The following SPATA1 variants were observed in gnomAD, a reference collection of about 807,000 sequenced individuals.
SPATA1 encodes spermatogenesis associated 1.
A neutral mutation model predicts 59.6 loss-of-function variants in SPATA1; 57 were observed. The ratio of observed to expected loss-of-function variants is 0.96; its 90% CI spans 0.77 to 1.19. The LOEUF is 1.19. SPATA1 is among the 50% of genes most tolerant of loss of function. The probability of loss-of-function intolerance (pLI) is 0.00; values close to 1 mark genes in which losing one functional copy is unlikely to be tolerated. For missense variants in SPATA1, 448 were observed against 480.7 expected (o/e 0.93, Z 0.64); for synonymous variants, 147 against 163.9 (o/e 0.90, Z 0.79).
intron 11 of SPATA1, 98 bp from the exon 12 acceptor site, chr1:84,550,334 C>A: frequency 1.9e-6 from 1 of 534,908 alleles, no homozygotes; most frequent in Non-Finnish European, 3.0e-6. Flanking sequence ...ATGATTTACT[C>A]TTTTGATCTT....
downstream of SPATA1, among the ~76,000 whole-genome samples, chr1:84,557,533 CAAAAAAAAA>C (rs56101174): frequency 1.8e-5 from 1 of 55,438 alleles, no homozygotes; most frequent in Non-Finnish European, 3.5e-5. Context: ...AACTCCATCT[CAAAAAAAAA>C]AAAAAAAAAA....
intron 2 of SPATA1, among the ~76,000 whole-genome samples, chr1:84,519,900 T>C (rs918764329): frequency 6.6e-6 from 1 of 152,174 alleles, no homozygotes; most frequent in African/African-American, 2.4e-5. Flanking sequence ...CAAACTTAAT[T>C]TGACTAAAAG....
intron 9 of SPATA1, among the ~76,000 whole-genome samples, chr1:84,544,595 CTG>C (rs1170405784): frequency 1.3e-5 from 2 of 151,910 alleles, no homozygotes; most frequent in Non-Finnish European, 2.9e-5. Context: ...GAGTCTGACT[CTG>C]TTGTCCAGGC....
At chr1:84,541,322 G>T (rs1213026894) in intron 8 of SPATA1, among the ~76,000 whole-genome samples, 1 of 151,860 alleles carries the variant, frequency 6.6e-6, no homozygotes, top group African/African-American at 2.4e-5. Flanking sequence ...GTTTTGTTTT[G>T]TTTTTCTTTC....
chr1:84,535,331 G>A (rs2101978337), intron 8 of SPATA1, among the ~76,000 whole-genome samples: 4 of 151,738 alleles, frequency 2.6e-5, no homozygotes, highest in African/African-American at 9.7e-5. Context: ...GATTCTTTGT[G>A]TTTTCATATA....
At chr1:84,536,508 A>G (rs1683688111) in intron 8 of SPATA1, among the ~76,000 whole-genome samples, 1 of 152,206 alleles carries the variant, frequency 6.6e-6, no homozygotes. Context: ...CAGTGGCGCT[A>G]TGTCCGCTCA....
exon 11 of SPATA1, chr1:84,548,834 C>A (rs868343782): frequency 6.6e-7 from 1 of 1,504,318 alleles, no homozygotes; most frequent in Non-Finnish European, 8.9e-7. Context: ...AAAGTCACAG[C>A]ATCAATGGAG....
intron 1 of SPATA1, among the ~76,000 whole-genome samples, chr1:84,508,245 C>CT (rs991465808): frequency 7.9e-5 from 12 of 151,530 alleles, no homozygotes; most frequent in Admixed American, 6.6e-4. Flanking sequence ...GATGGCACCA[C>CT]TGCACTCCAG....
downstream of SPATA1, among the ~76,000 whole-genome samples, chr1:84,557,857 CA>C (rs375521066): frequency 1.1e-3 from 124 of 117,714 alleles, no homozygotes; most frequent in Middle Eastern, 4.7e-3. Flanking sequence ...GACTCCATCT[CA>C]AAAAAAAAAA....
chr1:84,532,598 G>T (rs1316714319), intron 6 of SPATA1, among the ~76,000 whole-genome samples: 1 of 152,188 alleles, frequency 6.6e-6, no homozygotes, highest in Non-Finnish European at 1.5e-5. Flanking sequence ...GTGAATGTGT[G>T]TGTAGGGGGT....
intron 2 of SPATA1, among the ~76,000 whole-genome samples, chr1:84,516,925 C>T (rs1424560091): frequency 6.6e-6 from 1 of 152,142 alleles, no homozygotes; most frequent in Non-Finnish European, 1.5e-5. Flanking sequence ...GTCTTACTAT[C>T]TGCCACTCAT....
intron 12 of SPATA1, chr1:84,551,811 T>C (rs1684281153): frequency 1.3e-5 from 2 of 152,192 alleles, no homozygotes; most frequent in South Asian, 4.1e-4. Context: ...AAAGCCAATA[T>C]GTAAACTTGT....
intron 4 of SPATA1, among the ~76,000 whole-genome samples, chr1:84,525,110 G>A (rs1287569142): frequency 1.3e-5 from 2 of 152,104 alleles, no homozygotes; most frequent in Non-Finnish European, 2.9e-5. Flanking sequence ...CCGAGTAGCT[G>A]GGGGAGCCAC....
chr1:84,529,982 G>A (rs146699883), intron 6 of SPATA1, among the ~76,000 whole-genome samples: 11 of 151,532 alleles, frequency 7.3e-5, no homozygotes, highest in East Asian at 1.9e-4. Flanking sequence ...TCAGCCTCCC[G>A]AGTAGCTGGG....
At chr1:84,514,345 A>G (rs1013083673) in intron 1 of SPATA1, among the ~76,000 whole-genome samples, 3 of 152,184 alleles carry the variant, frequency 2.0e-5, no homozygotes, top group Admixed American at 6.5e-5. Flanking sequence ...CTTCTTTGCC[A>G]TTACTTTAGA....
chr1:84,520,529 GAT>G (rs1491502969), intron 2 of SPATA1, 54 bp from the exon 3 acceptor site: 1 of 920,452 alleles, frequency 1.1e-6, no homozygotes, highest in East Asian at 3.3e-5. Context: ...GACATCAATT[GAT>G]TTTTTTTTTC....
intron 1 of SPATA1, among the ~76,000 whole-genome samples, chr1:84,514,391 G>T (rs1181443058): frequency 1.3e-5 from 2 of 152,230 alleles, no homozygotes; most frequent in East Asian, 1.9e-4. Flanking sequence ...TTATCCAAAA[G>T]GTTTGGGATA....
At chr1:84,545,751 G>T in exon 10 of SPATA1, 1 of 1,510,896 alleles carries the variant, frequency 6.6e-7, no homozygotes, top group South Asian at 1.4e-5. Context: ...AAATTAAAAC[G>T]ATATCATGGT....
chr1:84,536,905 A>G (rs1683716670), intron 8 of SPATA1, among the ~76,000 whole-genome samples: 1 of 141,566 alleles, frequency 7.1e-6, no homozygotes, highest in African/African-American at 2.7e-5. Flanking sequence ...TTTGAGATGA[A>G]GTCTCACTCT....
Sources: allele counts gnomAD v4.1 joint callset (sites outside exome capture counted in the v4.1 genomes callset), GRCh38; gene constraint gnomAD v4.1.1; transcripts MANE v1.5; gene names NCBI Gene and HGNC (gene_info 2026-07-23, HGNC 2026-07-21).